The following VWDE variants were observed in gnomAD, a reference collection of about 807,000 sequenced individuals.
VWDE encodes the protein von Willebrand factor D and EGF domains, also known as von Willebrand factor D and EGF domain-containing protein.
A neutral mutation model predicts 178.4 loss-of-function variants in VWDE; 207 were observed. The ratio of observed to expected loss-of-function variants is 1.16; its 90% CI spans 1.04 to 1.30. The LOEUF (loss-of-function observed/expected upper bound fraction) is 1.30. Ranked by LOEUF, VWDE falls within the 50% of genes most tolerant of loss-of-function variation. The probability of loss-of-function intolerance (pLI) is 0.00; values close to 1 mark genes in which losing one functional copy is unlikely to be tolerated. For synonymous variants in VWDE, 738 were observed against 651.4 expected (o/e 1.13, Z -2.02); for missense variants, 2,287 against 1,901.3 (o/e 1.20, Z -3.77).
chr7:12,378,901 C>T (rs1783683313), intron 6 of VWDE, among the ~76,000 whole-genome samples: 1 of 152,162 alleles, frequency 6.6e-6, no homozygotes, highest in Non-Finnish European at 1.5e-5. Flanking sequence ...TGGGTGAGAC[C>T]TTCCAGGTTC....
At chr7:12,356,954 A>G (rs1247109211) in intron 17 of VWDE, among the ~76,000 whole-genome samples, 1 of 152,220 alleles carries the variant, frequency 6.6e-6, no homozygotes, top group African/African-American at 2.4e-5. Context: ...TATAATTATC[A>G]ATCTTAGATT....
chr7:12,396,990 C>A (rs1015263919), intron 1 of VWDE, among the ~76,000 whole-genome samples: 1 of 151,814 alleles, frequency 6.6e-6, no homozygotes, highest in Non-Finnish European at 1.5e-5. Flanking sequence ...TGGCCATATG[C>A]CCTAAGCAAT....
chr7:12,378,518 C>T (rs4721095), intron 6 of VWDE, among the ~76,000 whole-genome samples: 15,863 of 152,062 alleles, frequency 0.1, 950 homozygotes, highest in South Asian at 0.2. Context: ...CATGCAGTCT[C>T]GAGTCTTGGC....
chr7:12,359,883 A>G (rs1356265734), intron 15 of VWDE, among the ~76,000 whole-genome samples, 191 bp from the exon 16 acceptor site: 2 of 152,168 alleles, frequency 1.3e-5, no homozygotes, highest in Admixed American at 1.3e-4. Flanking sequence ...AAAACTGATC[A>G]ATTTGGAGGT....
intron 3 of VWDE, among the ~76,000 whole-genome samples, chr7:12,386,465 C>A (rs1451153547): frequency 6.6e-6 from 1 of 152,214 alleles, no homozygotes; most frequent in African/African-American, 2.4e-5. Flanking sequence ...GAACAAAACG[C>A]AGAGCTCCCT....
rs1007585400 is a variant in VWDE, at chr7:12,357,665, T to G, written c.3275-150A>C. The G allele has an allele frequency of 1.0e-5, 9 of 871,670 alleles. No individual in the cohort carries two copies. The African/African-American group carries it at 1.5e-4, about 15-fold the overall frequency. 54.0% of individuals were successfully genotyped at this position (871,670 alleles called of 1,614,324 possible). ...GCTTTCATTTTTTTTTTTAACATTCTGAGTAAGTTCAATTCCATTCTTAGA... is the reference window on the plus strand; with the variant it reads ...GCTTTCATTTTTTTTTTTAACATTCGGAGTAAGTTCAATTCCATTCTTAGA... On this transcript the variant is annotated intron_variant, in intron 16 of 28. Transcript: ENST00000275358.
chr7:12,361,459 G>A lies in VWDE; in HGVS notation c.2961C>T (p.Ser987=). The stretch of plus-strand genomic sequence containing the variant: ...TGGGCAGCTGACAATCAACAGCTCT[G>A]CTATTGTGGAAAACAGTCTGTGTAT... ...PIYTQTVFHN[S]RAVDCQLPTD... Residue 987 remains serine (S), a synonymous_variant, in exon 14 of 29, where the codon AGC becomes AGT. Coordinates refer to ENST00000275358, the MANE Select transcript of VWDE (RefSeq NM_001135924.3). 6.4e-7 allele frequency: 1 copy of A among 1,551,144 alleles called. No homozygotes were observed. Among genetic ancestry groups the A allele is most frequent in the Non-Finnish European group, 8.7e-7 (1 of 1,146,650 alleles).
chr7:12,339,285 T>C (rs1258518604), intron 24 of VWDE, among the ~76,000 whole-genome samples: 1 of 152,176 alleles, frequency 6.6e-6, no homozygotes, highest in East Asian at 1.9e-4. Context: ...GAACTTTTCT[T>C]ACTTCATCTT....
In VWDE at chr7:12,384,482, TA is replaced by T. The variant is rs563974420; in HGVS notation, c.476-882del. ...AATTTACAACACCTAGAGCGGACCG[TA>T]ATGTAAACTATAGACTAGGTGATAA... On this transcript the variant is annotated intron_variant, in intron 3 of 28. Transcript: ENST00000275358. Among the ~76,000 whole-genome samples, 22 of 152,186 alleles carry T rather than the reference TA, an allele frequency of 1.4e-4. No homozygotes were observed. In the South Asian group the frequency reaches 4.6e-3, roughly 32 times the overall value.
chr7:12,367,850 GA>G (rs1378041665), intron 12 of VWDE, among the ~76,000 whole-genome samples: 7 of 151,936 alleles, frequency 4.6e-5, no homozygotes, highest in Non-Finnish European at 7.4e-5. Context: ...CTGGGTTATA[GA>G]AAAAAATATT....
Position 12,370,702 on chromosome 7 carries a change from T to TTA in VWDE, c.1749_1750insTA (p.Ile584Ter). 1 of 1,551,148 alleles carries TTA rather than the reference T, an allele frequency of 6.4e-7. No individual in the cohort carries two copies. Among genetic ancestry groups the TTA allele is most frequent in the Non-Finnish European group, 8.7e-7 (1 of 1,146,672 alleles). ...ACATAATTGTTAAAATTTTGATCAATTTGCATCCCATTTTTGTCATGGAAA... is the reference window on the plus strand; with the variant it reads ...ACATAATTGTTAAAATTTTGATCAATTATTGCATCCCATTTTTGTCATGGAAA... On this transcript the variant is annotated frameshift_variant, in exon 11 of 29. Coordinates refer to ENST00000275358, the MANE Select transcript of VWDE (RefSeq NM_001135924.3). LOFTEE classifies it high-confidence loss of function.
Position 12,369,961 on chromosome 7 carries a change from TC to T in VWDE, c.2344del (p.Asp782ThrfsTer26). ...LEELTYFFPEDHAEDVQQEFF... is the reference protein window; with the variant it reads ...LEELTYFFPEXHAEDVQQEFF... ...CTCTTGCTGTACATCCTCAGCATGGTCCTCTGGGAAAAAATAAGTAAGTTCT... is the reference window on the plus strand; with the variant it reads ...CTCTTGCTGTACATCCTCAGCATGGTCTCTGGGAAAAAATAAGTAAGTTCT... On this transcript the variant is annotated frameshift_variant, in exon 12 of 29. Transcript: ENST00000275358. LOFTEE classifies it high-confidence loss of function. 2 of 1,551,412 alleles carry T rather than the reference TC, an allele frequency of 1.3e-6. No homozygotes were observed. The highest frequency in any genetic ancestry group is 1.7e-6 in the Non-Finnish European group (2 of 1,146,856).
intron 1 of VWDE, among the ~76,000 whole-genome samples, chr7:12,401,229 A>G (rs1264175771): frequency 2.0e-5 from 3 of 152,160 alleles, no homozygotes; most frequent in Admixed American, 6.5e-5. Context: ...GGGATTAACC[A>G]AAATAAATAA....
rs1783626785 is a variant in VWDE at position 12,377,859 on chromosome 7, C to T, written c.941G>A (p.Ser314Asn). The T allele has an allele frequency of 1.3e-6, 2 of 1,528,098 alleles. No homozygotes were observed. Among genetic ancestry groups the T allele is most frequent in the Non-Finnish European group, 1.8e-6 (2 of 1,135,724 alleles). 94.7% of individuals were successfully genotyped at this position (1,528,098 alleles called of 1,614,324 possible). ...DGKEYYLRIE[S>N]TVPIICSEFS... The stretch of plus-strand genomic sequence containing the variant: ...TTCAGAACAAATAATAGGAACTGTG[C>T]TTTCTATCCTCAGGTAGTATTCTTT... The change falls in exon 7 of 29, where the codon AGC (serine) becomes AAC (asparagine). Residue 314 changes from serine (S) to asparagine (N), a missense_variant. Ser to Asn is a conservative substitution (Grantham distance 46). Transcript: ENST00000275358.
At chr7:12,368,555 G>A (rs1782984433) in intron 12 of VWDE, among the ~76,000 whole-genome samples, 1 of 152,124 alleles carries the variant, frequency 6.6e-6, no homozygotes, top group Non-Finnish European at 1.5e-5. Flanking sequence ...AAAGCAGTGA[G>A]CTGGGAGAAG....
At chr7:12,344,986 G>A (rs1053777697) in intron 19 of VWDE, among the ~76,000 whole-genome samples, 5 of 151,850 alleles carry the variant, frequency 3.3e-5, no homozygotes, top group Non-Finnish European at 5.9e-5. Context: ...GCTGATTAAT[G>A]CTGGGAAATT....
intron 15 of VWDE, among the ~76,000 whole-genome samples, chr7:12,360,891 A>T (rs1243109669): frequency 6.6e-6 from 1 of 152,200 alleles, no homozygotes; most frequent in Admixed American, 6.5e-5. Flanking sequence ...GGTAGGAGTG[A>T]AGTAGTAAAT....
At chr7:12,370,569 ATGTGTTGC>A in intron 11 of VWDE, 60 bp from the exon 12 acceptor site, 1 of 1,528,454 alleles carries the variant, frequency 6.5e-7, no homozygotes, top group Non-Finnish European at 8.8e-7. Flanking sequence ...GTTTCCTAAT[ATGTGTTGC>A]AAAAAAGCAG....
intron 23 of VWDE, among the ~76,000 whole-genome samples, chr7:12,341,755 A>C (rs1781344167): frequency 6.6e-6 from 1 of 152,238 alleles, no homozygotes; most frequent in Non-Finnish European, 1.5e-5. Context: ...AAAAACTTAA[A>C]AGAAACCTAG....
Sources: allele counts gnomAD v4.1 joint callset (sites outside exome capture counted in the v4.1 genomes callset), GRCh38; gene constraint gnomAD v4.1.1; transcripts MANE v1.5; gene names NCBI Gene and HGNC (gene_info 2026-07-23, HGNC 2026-07-21).